The following MYCBP2 variants were observed in gnomAD, a reference collection of about 807,000 sequenced individuals.
The protein encoded by MYCBP2 is MYC binding protein 2.
Under a neutral mutation model 525.3 loss-of-function variants are expected in MYCBP2, and 120 were observed. The observed-to-expected ratio is 0.23, with a 90% CI of 0.20 to 0.27. MYCBP2 has a LOEUF of 0.27. MYCBP2 is among the 10% of genes least tolerant of loss of function. The pLI is 1.00. For missense variants in MYCBP2, 4,149 were observed against 5,657.1 expected (o/e 0.73, Z 8.55); for synonymous variants, 1,894 against 1,955.8 (o/e 0.97, Z 0.83).
At chr13:77,151,305 G>C (rs1392921295) in intron 46 of MYCBP2, among the ~76,000 whole-genome samples, 1 of 152,192 alleles carries the variant, frequency 6.6e-6, no homozygotes, top group Non-Finnish European at 1.5e-5. Context: ...GGTAATGCAA[G>C]TGTAAATGCT....
At chr13:77,152,701 A>G (rs1399698022) in intron 46 of MYCBP2, among the ~76,000 whole-genome samples, 1 of 152,132 alleles carries the variant, frequency 6.6e-6, no homozygotes, top group Non-Finnish European at 1.5e-5. Flanking sequence ...GCTTCAGGGA[A>G]ATATCACCTT....
chr13:77,169,486 A>C (rs1261081688), intron 39 of MYCBP2, 128 bp downstream of exon 39: 1 of 696,392 alleles, frequency 1.4e-6, no homozygotes, highest in Non-Finnish European at 2.5e-6. Context: ...TAGCAGATCT[A>C]TCTCTGCTTG....
intron 14 of MYCBP2, among the ~76,000 whole-genome samples, chr13:77,254,293 G>T (rs1297846683): frequency 2.0e-5 from 3 of 151,780 alleles, no homozygotes; most frequent in African/African-American, 7.3e-5. Context: ...TCAAAGTCAT[G>T]ATCGCGGTTA....
At chr13:77,209,659 A>G (rs144591787) in intron 23 of MYCBP2, among the ~76,000 whole-genome samples, 22 of 152,270 alleles carry the variant, frequency 1.4e-4, no homozygotes, top group Admixed American at 5.9e-4. Context: ...CCACTCACCC[A>G]TAGTCTCTTG....
intron 66 of MYCBP2, 105 bp from the exon 67 acceptor site, chr13:77,077,492 A>G (rs2042515509): frequency 2.9e-6 from 4 of 1,370,940 alleles, no homozygotes; most frequent in Non-Finnish European, 4.0e-6. Flanking sequence ...AAAGAATTGC[A>G]CAGAGTAAAG....
chr13:77,238,948 C>T (rs751480883), intron 17 of MYCBP2, among the ~76,000 whole-genome samples: 3 of 152,110 alleles, frequency 2.0e-5, no homozygotes, highest in Non-Finnish European at 4.4e-5. Context: ...TGGTGAAACC[C>T]CATCTCTAAC....
At chr13:77,239,561 G>A (rs1329464983) in intron 17 of MYCBP2, among the ~76,000 whole-genome samples, 4 of 152,226 alleles carry the variant, frequency 2.6e-5, no homozygotes, top group South Asian at 2.1e-4. Flanking sequence ...GGATCAAACC[G>A]CAAAGTGCAA....
At chr13:77,257,438 C>G (rs1386986727) in intron 14 of MYCBP2, among the ~76,000 whole-genome samples, 1 of 151,686 alleles carries the variant, frequency 6.6e-6, no homozygotes, top group Non-Finnish European at 1.5e-5. Context: ...TGATGGAGAC[C>G]CCATTTACCC....
At chr13:77,160,911 T>A (rs541933579) in intron 44 of MYCBP2, among the ~76,000 whole-genome samples, 20 of 152,334 alleles carry the variant, frequency 1.3e-4, no homozygotes, top group African/African-American at 4.6e-4. Flanking sequence ...AGTACATTTT[T>A]AAAGAGTGTT....
intron 52 of MYCBP2, among the ~76,000 whole-genome samples, chr13:77,133,306 T>C (rs1161093058): frequency 6.6e-6 from 1 of 152,160 alleles, no homozygotes; most frequent in African/African-American, 2.4e-5. Flanking sequence ...TTAAATGAGA[T>C]AATTAAGGCA....
In MYCBP2 at chr13:77,097,659, A is replaced by G; in HGVS notation, c.9495T>C (p.Ala3165=). The G allele has an allele frequency of 6.2e-7, 1 of 1,613,800 alleles. No individual in the cohort carries two copies. Among genetic ancestry groups the G allele is most frequent in the Non-Finnish European group, 8.5e-7 (1 of 1,179,828 alleles). The stretch of plus-strand genomic sequence containing the variant: ...TAGCCAAAGAGATGTCTTCCCAAAA[A>G]GCCACTAAATGTTGTAAAGTTAAGG... ...PLPLTLQHLV[A]FWEDISLATI... Residue 3165 remains alanine (A), a synonymous_variant, in exon 56 of 83, where the codon GCT becomes GCC. Transcript: ENST00000544440.
intron 55 of MYCBP2, among the ~76,000 whole-genome samples, chr13:77,109,464 T>G (rs937308039): frequency 3.2e-4 from 49 of 152,346 alleles, no homozygotes; most frequent in African/African-American, 1.0e-3. Context: ...AGTATTGGTC[T>G]GTGGCCTGGG....
chr13:77,189,419 T>C (rs1378862167), intron 29 of MYCBP2, among the ~76,000 whole-genome samples: 2 of 152,190 alleles, frequency 1.3e-5, no homozygotes, highest in Admixed American at 1.3e-4. Context: ...GTTATGTTTG[T>C]AGAGCTACAT....
chr13:77,085,989 AC>A (rs954728528), intron 62 of MYCBP2, among the ~76,000 whole-genome samples: 8 of 152,108 alleles, frequency 5.3e-5, no homozygotes, highest in Non-Finnish European at 2.9e-5. Flanking sequence ...GTCAATTGTT[AC>A]TTTTTTTAAG....
In MYCBP2 at chr13:77,114,016, AAAC is replaced by A. The variant is rs1252289262; in HGVS notation, c.8140+7354_8140+7356del. Among the ~76,000 whole-genome samples the A allele has an allele frequency of 5.3e-5, 8 of 152,206 alleles. No individual in the cohort carries two copies. In the South Asian group the frequency reaches 1.7e-3, roughly 31 times the overall value. ...TCATCCACATACCTTCAAAGCAGGCAAACAACAAACTGACAAATACAGTGCTGA... is the reference window on the plus strand; with the variant it reads ...TCATCCACATACCTTCAAAGCAGGCAAACAAACTGACAAATACAGTGCTGA... On this transcript the variant is annotated intron_variant, in intron 55 of 82. Coordinates refer to ENST00000544440, the MANE Select transcript of MYCBP2 (RefSeq NM_015057.5).
intron 4 of MYCBP2, among the ~76,000 whole-genome samples, chr13:77,277,999 T>C (rs563749189): frequency 1.3e-5 from 2 of 152,318 alleles, no homozygotes; most frequent in South Asian, 4.1e-4. Flanking sequence ...TGAGTCTGGG[T>C]CACTGATATG....
chr13:77,079,639 T>G (rs2042952330), intron 65 of MYCBP2, among the ~76,000 whole-genome samples: 1 of 152,210 alleles, frequency 6.6e-6, no homozygotes, highest in South Asian at 2.1e-4. Flanking sequence ...ACATACAGGT[T>G]GAGTATCCTT....
chr13:77,176,489 G>A lies in MYCBP2; in HGVS notation c.5472+8C>T. 1 of 1,571,846 alleles carries A rather than the reference G, an allele frequency of 6.4e-7. No homozygotes were observed. The highest frequency in any genetic ancestry group is 8.7e-7 in the Non-Finnish European group (1 of 1,155,126). ...TTATTCACAATAGAAACATTCAGTTGAAACTACCTTTAAAGGAACCACTTT... is the reference window on the plus strand; with the variant it reads ...TTATTCACAATAGAAACATTCAGTTAAAACTACCTTTAAAGGAACCACTTT... On this transcript the variant is annotated splice_region_variant and intron_variant, in intron 36 of 82. Transcript: ENST00000544440.
At chr13:77,263,101 A>G (rs2073565659) in intron 10 of MYCBP2, among the ~76,000 whole-genome samples, 1 of 151,976 alleles carries the variant, frequency 6.6e-6, no homozygotes, top group Admixed American at 6.6e-5. Flanking sequence ...AAATAATCTA[A>G]GCCCAAGAAA....
Sources: allele counts gnomAD v4.1 joint callset (sites outside exome capture counted in the v4.1 genomes callset), GRCh38; gene constraint gnomAD v4.1.1; transcripts MANE v1.5; gene names NCBI Gene and HGNC (gene_info 2026-07-23, HGNC 2026-07-21).